The following PTPRT variants were observed in gnomAD, a reference collection of about 807,000 sequenced individuals.
The protein encoded by PTPRT is protein tyrosine phosphatase receptor type T, also known as receptor-type tyrosine-protein phosphatase T.
In PTPRT, 56 loss-of-function variants were observed where a neutral mutation model predicts 176.8. The observed-to-expected ratio is 0.32, with a 90% CI of 0.26 to 0.40. The LOEUF (loss-of-function observed/expected upper bound fraction) is 0.40, where lower values mean the gene tolerates loss of function less well. Among genes scored for constraint, PTPRT ranks in the 10% least tolerant of loss-of-function variants. The probability of loss-of-function intolerance (pLI) is 1.00; values close to 1 mark genes in which losing one functional copy is unlikely to be tolerated. For synonymous variants in PTPRT, 783 were observed against 739.0 expected (o/e 1.06, Z -0.96); for missense variants, 1,540 against 1,908.2 (o/e 0.81, Z 3.60).
At chr20:42,032,984 A>G in the PTPRT span, among the ~76,000 whole-genome samples, 10 of 152,292 alleles carry the variant, frequency 6.6e-5, no homozygotes, top group South Asian at 2.1e-3. Flanking sequence ...CTCCATGACT[A>G]TAATCTCAAG....
intron 7 of PTPRT, among the ~76,000 whole-genome samples, chr20:42,664,216 C>CT (rs1282256973): frequency 2.0e-5 from 3 of 152,068 alleles, no homozygotes; most frequent in Non-Finnish European, 2.9e-5. Context: ...TGCCTTTAGC[C>CT]TTTTTTTCTA....
At position 42,348,370 on chromosome 20, in the gene PTPRT, T is replaced by TATTTA. The variant is rs2058225860; in HGVS notation, c.1865+2257_1865+2258insTAAAT. On this transcript the variant is annotated intron_variant, in intron 11 of 30. Coordinates refer to ENST00000373187, the MANE Select transcript of PTPRT (RefSeq NM_007050.6). ...TTTCCCCTTTGAGCAGTGACATTTCTTTTATTTATTTATTTATTTATTTAT... is the reference window on the plus strand; with the variant it reads ...TTTCCCCTTTGAGCAGTGACATTTCTATTTATTTATTTATTTATTTATTTATTTAT... Among the ~76,000 whole-genome samples, 15 of 146,618 alleles carry TATTTA rather than the reference T, an allele frequency of 1.0e-4. 1 individual carries two copies. In the East Asian group the frequency reaches 2.6e-3, roughly 26 times the overall value.
chr20:42,454,967 A>G (rs898482033), intron 8 of PTPRT, among the ~76,000 whole-genome samples: 3 of 152,178 alleles, frequency 2.0e-5, no homozygotes, highest in Non-Finnish European at 4.4e-5. Context: ...TCAAGCAATG[A>G]AAGACAGGAA....
intron 9 of PTPRT, among the ~76,000 whole-genome samples, chr20:42,431,330 C>T (rs1325426364): frequency 6.6e-6 from 1 of 151,888 alleles, no homozygotes; most frequent in Non-Finnish European, 1.5e-5. Flanking sequence ...GCAATGCCAC[C>T]ATAAACATGA....
intron 6 of PTPRT, among the ~76,000 whole-genome samples, chr20:42,724,427 T>A (rs934396190): frequency 5.9e-5 from 9 of 152,076 alleles, no homozygotes; most frequent in African/African-American, 2.2e-4. Flanking sequence ...AGGTAGAAGG[T>A]AAATTTAAAA....
chr20:42,723,944 T>C (rs573231521), intron 6 of PTPRT, among the ~76,000 whole-genome samples: 6 of 152,344 alleles, frequency 3.9e-5, no homozygotes, highest in Admixed American at 3.9e-4. Context: ...AATCCTTGCT[T>C]TGATACTTCC....
intron 9 of PTPRT, among the ~76,000 whole-genome samples, chr20:42,368,454 C>T (rs2058544092): frequency 6.6e-6 from 1 of 152,124 alleles, no homozygotes; most frequent in Admixed American, 6.5e-5. Context: ...AACCCATTGC[C>T]CTTCAAGTAT....
chr20:42,815,823 CT>C (rs1380463813), intron 2 of PTPRT, among the ~76,000 whole-genome samples: 2 of 152,122 alleles, frequency 1.3e-5, no homozygotes, highest in African/African-American at 4.8e-5. Flanking sequence ...TAAGAGTGAT[CT>C]TTAGTCAAAA....
chr20:42,070,634 GAGA>G (rs1600438384), downstream of PTPRT, among the ~76,000 whole-genome samples: 2 of 152,200 alleles, frequency 1.3e-5, no homozygotes, highest in East Asian at 1.9e-4. Context: ...GCTGTTAAGT[GAGA>G]AGAAGCAGGT....
rs559281132 is a variant in PTPRT, at chr20:42,259,798, T to C, written c.2177-10976A>G. Among the ~76,000 whole-genome samples the C allele has an allele frequency of 2.2e-4, 34 of 152,320 alleles. 1 individual carries two copies. Among genetic ancestry groups the C allele is most frequent in the Admixed American group, 2.2e-3 (33 of 15,302 alleles). On this transcript the variant is annotated intron_variant, in intron 13 of 30. Transcript: ENST00000373187. ...TCTGCATCCATGGTGGGGTCAAACT[T>C]GCCCACAAGTGTGGCTTAGACTTTA...
At chr20:42,539,751 A>T (rs1252802084) in intron 7 of PTPRT, among the ~76,000 whole-genome samples, 4 of 152,156 alleles carry the variant, frequency 2.6e-5, no homozygotes, top group Non-Finnish European at 5.9e-5. Context: ...ACCAAGGAAC[A>T]TTCAGAAAAC....
At chr20:42,169,794 C>T (rs1230731835) in intron 16 of PTPRT, among the ~76,000 whole-genome samples, 2 of 45,656 alleles carry the variant, frequency 4.4e-5, no homozygotes, top group Non-Finnish European at 9.1e-5. Flanking sequence ...ACACACACAA[C>T]AGTCAGTATT....
At chr20:43,118,881 T>C (rs760514669) in intron 1 of PTPRT, among the ~76,000 whole-genome samples, 2 of 152,238 alleles carry the variant, frequency 1.3e-5, no homozygotes, top group African/African-American at 2.4e-5. Flanking sequence ...AGAATCATAA[T>C]AGATGTTATC....
intron 7 of PTPRT, among the ~76,000 whole-genome samples, chr20:42,543,923 T>C (rs761780905): frequency 3.9e-5 from 6 of 152,142 alleles, no homozygotes; most frequent in Admixed American, 2.0e-4. Context: ...GTCTCAATAG[T>C]GGGCTTAAAA....
At chr20:42,674,568 G>T (rs59542370) in intron 7 of PTPRT, among the ~76,000 whole-genome samples, 7,858 of 152,280 alleles carry the variant, frequency 0.052, 632 homozygotes, top group African/African-American at 0.17. Context: ...AAAGAGAGAA[G>T]TCTCATCAGC....
rs78733953 is a variant in PTPRT at position 43,093,270 on chromosome 20, C to T, written c.88+96376G>A. Among the ~76,000 whole-genome samples, 781 of 152,314 alleles carry T rather than the reference C, an allele frequency of 5.1e-3. 31 individuals carry two copies. In the East Asian group the frequency reaches 0.092, roughly 18 times the overall value. ...TCCACCCCATAAAATACACAAATCT[C>T]TTTTCAGGTATCAGGGCAGGTGGGT... is the stretch of plus-strand genomic sequence containing the variant. On this transcript the variant is annotated intron_variant, in intron 1 of 30. Transcript: ENST00000373187.
intron 9 of PTPRT, among the ~76,000 whole-genome samples, chr20:42,353,651 T>C (rs983790093): frequency 1.3e-5 from 2 of 152,226 alleles, no homozygotes; most frequent in African/African-American, 4.8e-5. Context: ...AGCCCAGCAC[T>C]GGTCCCACGG....
intron 7 of PTPRT, among the ~76,000 whole-genome samples, chr20:42,555,236 A>G (rs1453379631): frequency 6.6e-6 from 1 of 152,170 alleles, no homozygotes; most frequent in South Asian, 2.1e-4. Context: ...TACATCATCC[A>G]TTGTTTATCT....
At chr20:42,827,459 T>TA (rs1229735470) in intron 2 of PTPRT, among the ~76,000 whole-genome samples, 2 of 151,786 alleles carry the variant, frequency 1.3e-5, no homozygotes, top group Non-Finnish European at 2.9e-5. Flanking sequence ...AAGTTTTGGA[T>TA]AAAAAAAAGA....
Sources: gnomAD v4.1 joint callset for allele counts (sites outside exome capture counted in the v4.1 genomes callset) on GRCh38, gnomAD v4.1.1 for gene constraint, MANE v1.5 for transcripts, NCBI Gene and HGNC (gene_info 2026-07-23, HGNC 2026-07-21) for gene names.